TCERG1: variants seen among roughly 807,000 people sequenced by gnomAD.
The protein encoded by TCERG1 is TATA box binding protein (TBP)-associated factor, RNA polymerase II, S, 150kD.
TCERG1 carries 37 observed loss-of-function variants against 144.7 expected under a neutral mutation model. The observed-to-expected ratio is 0.26, with a 90% CI of 0.20 to 0.34. The LOEUF (loss-of-function observed/expected upper bound fraction) is 0.34, where lower values mean the gene tolerates loss of function less well. TCERG1 is among the 10% of genes least tolerant of loss of function. The pLI is 1.00. For missense variants in TCERG1, 1,027 were observed against 1,380.7 expected (o/e 0.74, Z 4.06); for synonymous variants, 492 against 458.2 (o/e 1.07, Z -0.94).
intron 7 of TCERG1, 155 bp downstream of exon 7, chr5:146,469,899 T>G: frequency 1.9e-6 from 1 of 538,678 alleles, no homozygotes. Context: ...GATAAATATT[T>G]ATTTTAAAAA....
At chr5:146,508,752 T>C (rs75887010) in intron 21 of TCERG1, among the ~76,000 whole-genome samples, 7,867 of 152,296 alleles carry the variant, frequency 0.052, 284 homozygotes, top group Middle Eastern at 0.11. Context: ...ATTACTCTTT[T>C]TGTTCTTGAA....
In TCERG1 at chr5:146,483,530, T is replaced by C; in HGVS notation, c.2074-10T>C. 6.2e-7 allele frequency: 1 copy of C among 1,608,268 alleles called. No individual in the cohort carries two copies. Among genetic ancestry groups the C allele is most frequent in the South Asian group, 1.1e-5 (1 of 89,862 alleles). ...ACTTAATTATGAGGCAATACGTTTT[T>C]ATTTTAAAGGTGTCTGCTTTTTCAA... On this transcript the variant is annotated splice_polypyrimidine_tract_variant and intron_variant, in intron 14 of 22. Coordinates refer to ENST00000679501, the MANE Select transcript of TCERG1 (RefSeq NM_001382548.1).
intron 9 of TCERG1, among the ~76,000 whole-genome samples, chr5:146,476,810 G>T (rs547407275): frequency 6.6e-6 from 1 of 152,238 alleles, no homozygotes; most frequent in South Asian, 2.1e-4. Context: ...TTGTGACAGG[G>T]TCTTGCTCTG....
In TCERG1 at chr5:146,498,690, A is replaced by C; in HGVS notation, c.2433+4A>C. The C allele has an allele frequency of 1.2e-6, 2 of 1,606,494 alleles. No homozygotes were observed. Among genetic ancestry groups the C allele is most frequent in the Non-Finnish European group, 1.7e-6 (2 of 1,177,218 alleles). On this transcript the variant is annotated splice_donor_region_variant and intron_variant, in intron 17 of 22. Transcript: ENST00000679501. ...TTCGAAGACCAGAGGTGAGAAGGTA[A>C]GATGGTTTTAGTTCCAGTGGTGTGA...
rs778269992 is a variant in TCERG1 at position 146,498,711 on chromosome 5, T to C, written c.2433+25T>C. On this transcript the variant is annotated intron_variant, in intron 17 of 22. Coordinates refer to ENST00000679501, the MANE Select transcript of TCERG1 (RefSeq NM_001382548.1). The stretch of plus-strand genomic sequence containing the variant: ...GGTAAGATGGTTTTAGTTCCAGTGG[T>C]GTGATTGATGGGAGTGTGAATGGGA... 6 of 1,595,242 alleles carry C rather than the reference T, an allele frequency of 3.8e-6. No individual in the cohort carries two copies. The South Asian group carries it at 5.7e-5, about 15-fold the overall frequency.
At chr5:146,457,421 T>C in intron 3 of TCERG1, 86 bp downstream of exon 3, 2 of 1,304,510 alleles carry the variant, frequency 1.5e-6, no homozygotes, top group Non-Finnish European at 2.1e-6. Flanking sequence ...TCAGTGATAC[T>C]GTCATTTAAG....
intron 6 of TCERG1, among the ~76,000 whole-genome samples, chr5:146,469,153 A>C (rs1764060472): frequency 2.6e-5 from 4 of 152,296 alleles, no homozygotes; most frequent in Admixed American, 1.3e-4. Context: ...AATTTTGCCT[A>C]AGGAAATATG....
chr5:146,482,111 A>G (rs1237830862), intron 13 of TCERG1: 1 of 152,236 alleles, frequency 6.6e-6, no homozygotes, highest in African/African-American at 2.4e-5. Context: ...TGAGATTACT[A>G]AAACATTATA....
At chr5:146,503,723 A>G in intron 18 of TCERG1, 101 bp from the exon 19 acceptor site, 1 of 1,448,610 alleles carries the variant, frequency 6.9e-7, no homozygotes, top group African/African-American at 1.4e-5. Context: ...ATTCTGGGCA[A>G]AAACTAGATT....
chr5:146,493,162 CG>C, intron 16 of TCERG1, 124 bp downstream of exon 16: 1 of 658,128 alleles, frequency 1.5e-6, no homozygotes, highest in Non-Finnish European at 2.5e-6. Flanking sequence ...ATTTGATTAT[CG>C]GTTTTTGCCA....
intron 1 of TCERG1, among the ~76,000 whole-genome samples, chr5:146,451,753 C>T (rs1316362842): frequency 6.8e-6 from 1 of 146,458 alleles, no homozygotes; most frequent in African/African-American, 2.5e-5. Flanking sequence ...GGACTGTAAA[C>T]AAGTCCAGAA....
At chr5:146,484,411 C>T (rs531452173) in intron 15 of TCERG1, among the ~76,000 whole-genome samples, 19 of 152,302 alleles carry the variant, frequency 1.2e-4, no homozygotes, top group African/African-American at 4.3e-4. Flanking sequence ...TGTGGAACCA[C>T]TTGCTATAGT....
chr5:146,473,932 G>A (rs1322459609), intron 9 of TCERG1, among the ~76,000 whole-genome samples: 1 of 152,164 alleles, frequency 6.6e-6, no homozygotes, highest in Non-Finnish European at 1.5e-5. Context: ...TGCAGCCCAT[G>A]GATCAAGGAG....
Position 146,471,355 on chromosome 5 carries a change from T to C in TCERG1, c.1513-133T>C, listed in dbSNP as rs565427441. On this transcript the variant is annotated intron_variant, in intron 8 of 22. Coordinates refer to ENST00000679501, the MANE Select transcript of TCERG1 (RefSeq NM_001382548.1). ...GGATGAGGATTTAGAACTTTCTTCCTACTCAGAGTCTCCTCTTATTCTAGC... is the reference window on the plus strand; with the variant it reads ...GGATGAGGATTTAGAACTTTCTTCCCACTCAGAGTCTCCTCTTATTCTAGC... 2.5e-5 allele frequency: 19 copies of C among 749,486 alleles called. No homozygotes were observed. In the East Asian group the frequency reaches 4.4e-4, roughly 17 times the overall value. The allele number at this position is 749,486 out of a possible 1,614,324, so 46.4% of individuals were successfully genotyped here.
At chr5:146,491,119 T>A (rs1427004902) in intron 15 of TCERG1, among the ~76,000 whole-genome samples, 1 of 152,016 alleles carries the variant, frequency 6.6e-6, no homozygotes, top group Non-Finnish European at 1.5e-5. Context: ...CCTGACTACT[T>A]AAGTGAAGCA....
rs1181558878 is a variant in TCERG1, at chr5:146,482,654, C to T, written c.2000C>T (p.Ala667Val). 1 of 1,613,178 alleles carries T rather than the reference C, an allele frequency of 6.2e-7. No homozygotes were observed. Reference protein sequence around the residue: ...KEAAMEAEIKAARERAIVPLE... With the variant: ...KEAAMEAEIKVARERAIVPLE... ...GCTGCCATGGAAGCTGAAATTAAAG[C>T]TGCCCGAGAAAGGGCCATTGTCCCT... The change falls in exon 14 of 23, where the codon GCT (alanine) becomes GTT (valine). Residue 667 changes from alanine to valine, a missense_variant. By Grantham distance (64) the Ala-to-Val change is moderately conservative. Around this residue, in one of 6 missense-constraint regions of TCERG1, gnomAD observed 482 missense variants for 632.6 expected, o/e 0.76. Coordinates refer to ENST00000679501, the MANE Select transcript of TCERG1 (RefSeq NM_001382548.1).
chr5:146,455,503 A>C (rs1393629001), intron 2 of TCERG1, among the ~76,000 whole-genome samples: 2 of 152,258 alleles, frequency 1.3e-5, no homozygotes, highest in Non-Finnish European at 2.9e-5. Flanking sequence ...AAGTATGTGT[A>C]TAAAACCAGG....
intron 8 of TCERG1, 135 bp from the exon 9 acceptor site, chr5:146,471,353 C>A: frequency 1.4e-6 from 1 of 733,994 alleles, no homozygotes; most frequent in Non-Finnish European, 2.2e-6. Context: ...GAACTTTCTT[C>A]CTACTCAGAG....
chr5:146,472,938 C>G (rs1266595503), intron 9 of TCERG1, among the ~76,000 whole-genome samples: 1 of 152,142 alleles, frequency 6.6e-6, no homozygotes. Context: ...TGGTCTCGAT[C>G]TCCTGACCTC....
Sources: allele counts gnomAD v4.1 joint callset (sites outside exome capture counted in the v4.1 genomes callset), GRCh38; gene constraint gnomAD v4.1.1; regional missense constraint gnomAD v4.1.1; transcripts MANE v1.5; gene names NCBI Gene and HGNC (gene_info 2026-07-23, HGNC 2026-07-21).